Variants in FSD1L observed in about 807,000 individuals in gnomAD.
The protein encoded by FSD1L is FSD1-like protein.
Under a neutral mutation model 71.6 loss-of-function variants are expected in FSD1L, and 45 were observed. That is an observed-to-expected ratio of 0.63 (90% CI 0.49 to 0.81). The LOEUF is 0.81. Ranked by LOEUF, FSD1L falls within the 30% of genes least tolerant of loss-of-function variation. FSD1L has a pLI of 0.00. For missense variants in FSD1L, 561 were observed against 618.1 expected (o/e 0.91, Z 0.98); for synonymous variants, 197 against 207.2 (o/e 0.95, Z 0.42).
In FSD1L at chr9:105,471,957, A is replaced by C. The variant is rs181585378; in HGVS notation, c.393A>C (p.Glu131Asp). ...NALENSEELL[E>D]FATRSLDIKE... is the part of the protein sequence containing the mutation. Reference sequence around the variant, plus strand: ...TGGAGAACTCTGAAGAACTATTAGAATTTGCAACAAGGTCATTAGATATAA... The same window carrying C: ...TGGAGAACTCTGAAGAACTATTAGACTTTGCAACAAGGTCATTAGATATAA... Residue 131 changes from glutamate (E) to aspartate (D), a missense_variant, in exon 5 of 14, where the codon GAA (glutamate) becomes GAC (aspartate). This residue lies in a region of FSD1L where 410 missense variants were observed against 413.5 expected (regional missense o/e 0.99). Transcript: ENST00000481272. 4.5e-4 allele frequency: 651 copies of C among 1,435,832 alleles called. 1 individual carries two copies. The highest frequency in any genetic ancestry group is 7.4e-4 in the Admixed American group (22 of 29,822). The allele number at this position is 1,435,832 out of a possible 1,614,324, so 88.9% of individuals were successfully genotyped here.
chr9:105,499,430 C>G (rs1275211736), intron 7 of FSD1L, among the ~76,000 whole-genome samples: 1 of 152,020 alleles, frequency 6.6e-6, no homozygotes, highest in Non-Finnish European at 1.5e-5. Context: ...TTTTTAAAAA[C>G]ATTTCTTCAT....
chr9:105,465,685 G>C (rs1245491695), intron 3 of FSD1L, among the ~76,000 whole-genome samples: 1 of 152,138 alleles, frequency 6.6e-6, no homozygotes, highest in African/African-American at 2.4e-5. Context: ...TGCAGAAAAA[G>C]AATTTGACAG....
chr9:105,492,414 A>G (rs1044338671), intron 7 of FSD1L, among the ~76,000 whole-genome samples: 7 of 151,758 alleles, frequency 4.6e-5, no homozygotes, highest in Non-Finnish European at 8.8e-5. Flanking sequence ...TCTTGCTAGG[A>G]GTCTATCAAT....
intron 10 of FSD1L, chr9:105,523,396 T>C (rs1835307718): frequency 3.7e-6 from 6 of 1,605,608 alleles, no homozygotes; most frequent in Non-Finnish European, 5.1e-6. Flanking sequence ...TGTAGTGTGA[T>C]GGCAGGAGGT....
intron 10 of FSD1L, among the ~76,000 whole-genome samples, chr9:105,532,997 T>C (rs1045636976): frequency 5.3e-5 from 8 of 152,196 alleles, no homozygotes; most frequent in African/African-American, 1.9e-4. Context: ...ATTCTTGCTT[T>C]GCCATCAGGG....
rs1206793577 is a variant in FSD1L at position 105,547,469 on chromosome 9, T to C, written c.*986T>C. On this transcript the variant is annotated 3_prime_UTR_variant, in exon 14 of 14. Coordinates refer to ENST00000481272, the MANE Select transcript of FSD1L (RefSeq NM_001145313.3). ...GGGAGGTACCTAAATACTCAAATAATGTATATATTCTTTTTCATAACATAT... is the reference window on the plus strand; with the variant it reads ...GGGAGGTACCTAAATACTCAAATAACGTATATATTCTTTTTCATAACATAT... The C allele has an allele frequency of 6.6e-6, 1 of 152,334 alleles. No homozygotes were observed. Among genetic ancestry groups the C allele is most frequent in the Non-Finnish European group, 1.5e-5 (1 of 67,938 alleles). 9.4% of individuals were successfully genotyped at this position (152,334 alleles called of 1,614,324 possible).
At chr9:105,482,929 C>T (rs1424102605) in intron 6 of FSD1L, among the ~76,000 whole-genome samples, 1 of 152,114 alleles carries the variant, frequency 6.6e-6, no homozygotes, top group Non-Finnish European at 1.5e-5. Flanking sequence ...TAGGTTCTAA[C>T]CTATGCACTG....
At chr9:105,444,544 G>A (rs754673691), upstream of FSD1L, among the ~76,000 whole-genome samples, 2 of 152,176 alleles carry the variant, frequency 1.3e-5, no homozygotes, top group African/African-American at 4.8e-5. Flanking sequence ...CAGGGCTGCA[G>A]GCAATACCTG....
At chr9:105,544,904 A>G (rs1836878405) in intron 13 of FSD1L, among the ~76,000 whole-genome samples, 1 of 152,170 alleles carries the variant, frequency 6.6e-6, no homozygotes, top group Non-Finnish European at 1.5e-5. Context: ...TGTCTTGGCA[A>G]TGTGGGCTCT....
chr9:105,524,701 G>C, intron 10 of FSD1L: 1 of 1,613,898 alleles, frequency 6.2e-7, no homozygotes, highest in East Asian at 2.2e-5. Context: ...GACTCAGAAC[G>C]ATCTTCTAAA....
In FSD1L at chr9:105,552,173, C is replaced by A. The variant is rs1458000785; in HGVS notation, c.*5690C>A. On this transcript the variant is annotated 3_prime_UTR_variant, in exon 14 of 14. Transcript: ENST00000481272. ...AAAAATTCTAATTCCTCAGGTTTGG[C>A]CTTTTAAGTTATGGCTGAAGACCTT... is the stretch of plus-strand genomic sequence containing the variant. 1 of 149,644 alleles carries A rather than the reference C, an allele frequency of 6.7e-6. No homozygotes were observed. 9.3% of individuals were successfully genotyped at this position (149,644 alleles called of 1,614,324 possible). A position where few individuals can be genotyped will look rare whatever the true frequency, so the allele number is the denominator to read the frequency against.
At chr9:105,456,577 G>T (rs1458602023) in intron 1 of FSD1L, among the ~76,000 whole-genome samples, 2 of 152,214 alleles carry the variant, frequency 1.3e-5, no homozygotes, top group Non-Finnish European at 2.9e-5. Context: ...TTCCATAACA[G>T]TGGTTGCAGT....
chr9:105,457,485 A>G (rs1830429051), intron 1 of FSD1L, among the ~76,000 whole-genome samples: 1 of 152,256 alleles, frequency 6.6e-6, no homozygotes, highest in Non-Finnish European at 1.5e-5. Context: ...TTGTTACCAG[A>G]GTCTGATTAA....
intron 2 of FSD1L, 59 bp downstream of exon 2, chr9:105,461,674 C>A: frequency 1.0e-6 from 1 of 997,122 alleles, no homozygotes; most frequent in South Asian, 1.4e-5. Context: ...AAAATTAGAG[C>A]ATTTAGATGT....
At chr9:105,504,616 C>G (rs570688630) in intron 7 of FSD1L, among the ~76,000 whole-genome samples, 1 of 152,252 alleles carries the variant, frequency 6.6e-6, no homozygotes, top group East Asian at 1.9e-4. Flanking sequence ...CTAGCACCTT[C>G]GTTGAATTAC....
chr9:105,519,951 C>T (rs1337204067), intron 10 of FSD1L, among the ~76,000 whole-genome samples: 1 of 152,220 alleles, frequency 6.6e-6, no homozygotes, highest in Non-Finnish European at 1.5e-5. Flanking sequence ...CGGCGCGAGG[C>T]GGGTGGAGGT....
chr9:105,537,598 T>C (rs1450559710), intron 12 of FSD1L, among the ~76,000 whole-genome samples: 1 of 152,156 alleles, frequency 6.6e-6, no homozygotes, highest in Non-Finnish European at 1.5e-5. Flanking sequence ...TCTGAGAGCC[T>C]TGAAAAATAA....
chr9:105,468,356 A>G, intron 4 of FSD1L, 32 bp downstream of exon 4: 1 of 1,444,722 alleles, frequency 6.9e-7, no homozygotes, highest in Non-Finnish European at 9.1e-7. Context: ...AATATGGATA[A>G]TTTTAGTCTA....
chr9:105,538,373 T>C (rs1005883844), intron 12 of FSD1L, among the ~76,000 whole-genome samples: 1 of 152,166 alleles, frequency 6.6e-6, no homozygotes, highest in Non-Finnish European at 1.5e-5. Context: ...TCTTCCTCTT[T>C]GGTGGCAGTT....
Sources: gnomAD v4.1 joint callset for allele counts (sites outside exome capture counted in the v4.1 genomes callset) on GRCh38, gnomAD v4.1.1 for gene constraint, gnomAD v4.1.1 regional missense constraint, MANE v1.5 for transcripts, NCBI Gene and HGNC (gene_info 2026-07-23, HGNC 2026-07-21) for gene names.